The following PKD1L1 variants were observed in gnomAD, a reference collection of about 807,000 sequenced individuals.
The protein encoded by PKD1L1 is polycystin-1-like protein 1.
A neutral mutation model predicts 323.4 loss-of-function variants in PKD1L1; 236 were observed. That is an observed-to-expected ratio of 0.73 (90% CI 0.66 to 0.81). The LOEUF (loss-of-function observed/expected upper bound fraction) is 0.81. Ranked by LOEUF, PKD1L1 falls within the 40% of genes least tolerant of loss-of-function variation. PKD1L1 has a pLI of 0.00. For missense variants in PKD1L1, 3,320 were observed against 3,508.0 expected (o/e 0.95, Z 1.35); for synonymous variants, 1,344 against 1,335.0 (o/e 1.01, Z -0.15).
At chr7:47,842,939 G>T (rs758028482) in intron 34 of PKD1L1, 23 bp downstream of exon 34, 4 of 1,599,566 alleles carry the variant, frequency 2.5e-6, no homozygotes, top group Non-Finnish European at 3.4e-6. Flanking sequence ...CCATCAAAGA[G>T]TACCCCCAGA....
At position 47,853,129 on chromosome 7, in the gene PKD1L1, T is replaced by G. The variant is rs769013807; in HGVS notation, c.4958A>C (p.Lys1653Thr). 5 of 1,607,480 alleles carry G rather than the reference T, an allele frequency of 3.1e-6. No homozygotes were observed. In the South Asian group the frequency reaches 5.5e-5, roughly 18 times the overall value. Reference sequence around the variant, plus strand: ...AATAAGGCGCCCTGTTCACTGACCTTTCTGAGAAGCAGCAGGTATATAAAT... The same window carrying G: ...AATAAGGCGCCCTGTTCACTGACCTGTCTGAGAAGCAGCAGGTATATAAAT... ...VQIYIPAASQ[K>T]DASVGYLSLL... The change falls in exon 31 of 57, where the codon AAA (lysine) becomes ACA (threonine). Residue 1653 changes from lysine to threonine, a missense_variant and splice_region_variant. Transcript: ENST00000289672.
intron 26 of PKD1L1, among the ~76,000 whole-genome samples, chr7:47,860,511 T>C (rs976947370): frequency 1.3e-5 from 2 of 152,230 alleles, no homozygotes; most frequent in South Asian, 2.1e-4. Flanking sequence ...ATGGCTTAGA[T>C]ATACCTTTTA....
At chr7:47,944,239 G>A (rs1788053313) in intron 1 of PKD1L1, among the ~76,000 whole-genome samples, 1 of 152,020 alleles carries the variant, frequency 6.6e-6, no homozygotes, top group African/African-American at 2.4e-5. Context: ...TCCGAGATCT[G>A]GTCATTTAAA....
chr7:47,841,408 G>A (rs777526084), intron 34 of PKD1L1, among the ~76,000 whole-genome samples: 3 of 152,138 alleles, frequency 2.0e-5, no homozygotes, highest in Middle Eastern at 3.2e-3. Flanking sequence ...CGAGTTGGGA[G>A]GCCCCTGCCT....
At chr7:47,825,179 A>T (rs1397625168) in intron 45 of PKD1L1, among the ~76,000 whole-genome samples, 1 of 152,014 alleles carries the variant, frequency 6.6e-6, no homozygotes, top group African/African-American at 2.4e-5. Context: ...AACTTCTTTT[A>T]TTCTGTGAAC....
At position 47,840,773 on chromosome 7, in the gene PKD1L1, G is replaced by C. The variant is rs1015806532; in HGVS notation, c.5446-206C>G. Among the ~76,000 whole-genome samples, 1 of 152,258 alleles carries C rather than the reference G, an allele frequency of 6.6e-6. No individual in the cohort carries two copies. The highest frequency in any genetic ancestry group is 6.5e-5 in the Admixed American group (1 of 15,288). ...TGGAGAGCCAGAGGAGAGCCTCGAA[G>C]TGGAGCCTGGTAGAATTGGCCATTT... On this transcript the variant is annotated intron_variant, in intron 34 of 56. Transcript: ENST00000289672. This position sits in a 1 kb window ranked among gnomAD's most constrained non-coding sequence, Gnocchi z 4.1.
chr7:47,832,549 G>T (rs533124563), intron 41 of PKD1L1, among the ~76,000 whole-genome samples: 1 of 152,326 alleles, frequency 6.6e-6, no homozygotes, highest in South Asian at 2.1e-4. Flanking sequence ...GGGCTGAGCT[G>T]GAGCCTCGAG....
chr7:47,801,269 G>T (rs1459054252), intron 53 of PKD1L1, among the ~76,000 whole-genome samples: 1 of 152,128 alleles, frequency 6.6e-6, no homozygotes, highest in Non-Finnish European at 1.5e-5. Flanking sequence ...TATGTCCCCC[G>T]CACCTGGCCA....
rs889663967 is a variant in PKD1L1 at position 47,946,121 on chromosome 7, T to G, written c.44+2276A>C. ...GCCCTGGCACAGAATCAGCACCATT[T>G]TCACAGAGGTACCTGGCTTCCTCTT... On this transcript the variant is annotated intron_variant, in intron 1 of 56. Transcript: ENST00000289672. The surrounding 1 kb of genome is among the most constrained non-coding windows in gnomAD (Gnocchi z 4.1). Among the ~76,000 whole-genome samples, 2 of 152,160 alleles carry G rather than the reference T, an allele frequency of 1.3e-5. No individual in the cohort carries two copies. Among genetic ancestry groups the G allele is most frequent in the African/African-American group, 4.8e-5 (2 of 41,432 alleles).
At chr7:47,779,683 G>C (rs1786646418) in intron 56 of PKD1L1, among the ~76,000 whole-genome samples, 1 of 152,176 alleles carries the variant, frequency 6.6e-6, no homozygotes. Flanking sequence ...CCCTATTTGG[G>C]TTTTGGTCCA....
At position 47,827,371 on chromosome 7, in the gene PKD1L1, C is replaced by T. The variant is rs1247855718; in HGVS notation, c.6833G>A (p.Ser2278Asn). The T allele has an allele frequency of 6.2e-7, 1 of 1,612,686 alleles. No homozygotes were observed. The highest frequency in any genetic ancestry group is 2.2e-5 in the East Asian group (1 of 44,842). The change falls in exon 45 of 57, where the codon AGT (serine) becomes AAT (asparagine). Residue 2278 changes from serine (S) to asparagine (N), a missense_variant. By Grantham distance (46) the Ser-to-Asn change is conservative (BLOSUM62 1). Coordinates refer to ENST00000289672, the MANE Select transcript of PKD1L1 (RefSeq NM_138295.5). ...RGTRQRMRRE[S>N]RTRAALRDIS... ...CCACCTCAGGGCAGCCCGTGTGCGACTCTCTCTCCTCATCCTCTGTCTGGT... is the reference window on the plus strand; with the variant it reads ...CCACCTCAGGGCAGCCCGTGTGCGATTCTCTCTCCTCATCCTCTGTCTGGT...
intron 15 of PKD1L1, among the ~76,000 whole-genome samples, chr7:47,892,888 CA>C (rs375249798): frequency 6.8e-6 from 1 of 146,442 alleles, no homozygotes. Flanking sequence ...AAGGGAGGGC[CA>C]AAAAAAAAGA....
intron 2 of PKD1L1, among the ~76,000 whole-genome samples, chr7:47,941,168 G>A (rs1019185778): frequency 1.3e-5 from 2 of 152,232 alleles, no homozygotes; most frequent in African/African-American, 4.8e-5. Context: ...GGAAGTGGGG[G>A]TGGCGGGTGA....
At chr7:47,846,250 C>T (rs1011612347) in intron 32 of PKD1L1, among the ~76,000 whole-genome samples, 1 of 152,036 alleles carries the variant, frequency 6.6e-6, no homozygotes, top group African/African-American at 2.4e-5. Context: ...GTAAGGGCAA[C>T]AAAAAAGAAT....
At chr7:47,808,458 G>A (rs1005617395) in intron 51 of PKD1L1, 71 bp from the exon 52 acceptor site, 72 of 1,569,860 alleles carry the variant, frequency 4.6e-5, no homozygotes, top group African/African-American at 3.4e-4. Context: ...CATGTGACAC[G>A]CGTTTGTAAG....
chr7:47,877,241 T>TAA (rs1786426956), intron 22 of PKD1L1, among the ~76,000 whole-genome samples: 2 of 152,170 alleles, frequency 1.3e-5, no homozygotes, highest in Non-Finnish European at 2.9e-5. Context: ...CGACTCCTGG[T>TAA]GAGCAGGCCC....
At chr7:47,873,304 T>C (rs997488587) in intron 24 of PKD1L1, among the ~76,000 whole-genome samples, 2 of 152,238 alleles carry the variant, frequency 1.3e-5, no homozygotes, top group East Asian at 1.9e-4. Flanking sequence ...ATACTTTAAA[T>C]GGATGAACAT....
In PKD1L1 at chr7:47,908,254, G is replaced by GA; in HGVS notation, c.1229-5dup. ...GCCTTGAGCATATAGACTCCTTCTG[G>GA]AAAAATAAGAATGAACGGACACTTG... is the stretch of plus-strand genomic sequence containing the variant. On this transcript the variant is annotated splice_region_variant and splice_polypyrimidine_tract_variant and intron_variant, in intron 8 of 56. Coordinates refer to ENST00000289672, the MANE Select transcript of PKD1L1 (RefSeq NM_138295.5). 6.2e-7 allele frequency: 1 copy of GA among 1,608,312 alleles called. No individual in the cohort carries two copies.
At chr7:47,849,149 A>G (rs1047324751) in intron 31 of PKD1L1, among the ~76,000 whole-genome samples, 2 of 152,244 alleles carry the variant, frequency 1.3e-5, no homozygotes, top group African/African-American at 4.8e-5. Flanking sequence ...AGCCACGTGT[A>G]GAAGAATAAA....
Sources: gnomAD v4.1 joint callset for allele counts (sites outside exome capture counted in the v4.1 genomes callset) on GRCh38, gnomAD v4.1.1 for gene constraint, Gnocchi (gnomAD v3.1) non-coding constraint, MANE v1.5 for transcripts, NCBI Gene and HGNC (gene_info 2026-07-23, HGNC 2026-07-21) for gene names.